POLR2F: variants seen among roughly 807,000 people sequenced by gnomAD.
The protein encoded by POLR2F is RNA polymerase II, I and III subunit F.
In POLR2F, 12 loss-of-function variants were observed where a neutral mutation model predicts 22.7. That is an observed-to-expected ratio of 0.53 (90% CI 0.34 to 0.86). The LOEUF is 0.86. POLR2F is among the 40% of genes least tolerant of loss of function. The pLI, the probability that POLR2F is intolerant of heterozygous loss-of-function variation, is 0.02. For missense variants in POLR2F, 126 were observed against 171.5 expected (o/e 0.73, Z 1.48); for synonymous variants, 57 against 66.0 (o/e 0.86, Z 0.66).
intron 1 of POLR2F, among the ~76,000 whole-genome samples, chr22:37,995,399 C>G (rs2084703691): frequency 6.6e-6 from 1 of 152,150 alleles, no homozygotes. Flanking sequence ...CACATCCTTC[C>G]CTGCTGGGAG....
chr22:37,964,572 C>CTTTTT (rs11428366), intron 3 of POLR2F, among the ~76,000 whole-genome samples: 10 of 131,278 alleles, frequency 7.6e-5, no homozygotes, highest in East Asian at 4.4e-4. Flanking sequence ...TTCTTTCTTT[C>CTTTTT]TTTTTTTTTT....
rs536942519 is a variant in POLR2F, at chr22:37,975,977, A to G, written c.293+8807A>G. ...GATAGGAGGCTGGGCGTGCTGGGTC[A>G]TGCCTGTAATCCCAGCACTTTGGGA... On this transcript the variant is annotated intron_variant, in intron 4 of 4. Transcript: ENST00000405557. 2.6e-5 allele frequency among the ~76,000 whole-genome samples: 4 copies of G among 152,122 alleles called. No individual in the cohort carries two copies. The East Asian group carries it at 7.8e-4, about 30-fold the overall frequency.
intron 1 of POLR2F, among the ~76,000 whole-genome samples, chr22:37,955,056 C>A (rs536054333): frequency 6.6e-6 from 1 of 151,890 alleles, no homozygotes; most frequent in Admixed American, 6.6e-5. Context: ...TTTGATGGAG[C>A]TGTTGGGGTG....
upstream of POLR2F, chr22:37,986,046 C>T: frequency 7.1e-7 from 1 of 1,403,942 alleles, no homozygotes; most frequent in East Asian, 2.7e-5. The surrounding 1 kb of genome is among the most constrained non-coding windows in gnomAD (Gnocchi z 4.7). Flanking sequence ...CTTCCCTGTG[C>T]CCAGACTCTT....
chr22:38,018,810 T>C (rs1161340120), intron 1 of POLR2F, among the ~76,000 whole-genome samples: 1 of 152,098 alleles, frequency 6.6e-6, no homozygotes, highest in Non-Finnish European at 1.5e-5. Flanking sequence ...GAGGGTGTCC[T>C]CTCTCCAGGC....
At chr22:37,966,207 G>T (rs1406759971) in intron 3 of POLR2F, among the ~76,000 whole-genome samples, 4 of 152,214 alleles carry the variant, frequency 2.6e-5, no homozygotes, top group Non-Finnish European at 5.9e-5. Flanking sequence ...GAGAGGAAGA[G>T]CTTGTAAGAG....
chr22:37,977,459 T>G (rs1932255166), intron 4 of POLR2F, among the ~76,000 whole-genome samples: 2 of 151,972 alleles, frequency 1.3e-5, no homozygotes, highest in Non-Finnish European at 2.9e-5. Context: ...TAGCTGGGAC[T>G]ACAGGTGCTC....
At chr22:38,019,822 C>T (rs2084944841) in intron 1 of POLR2F, among the ~76,000 whole-genome samples, 1 of 152,186 alleles carries the variant, frequency 6.6e-6, no homozygotes, top group Non-Finnish European at 1.5e-5. Flanking sequence ...CGAGACCAGC[C>T]TGACCAACAT....
intron 2 of POLR2F, among the ~76,000 whole-genome samples, chr22:37,957,554 T>C (rs1931449454): frequency 6.6e-6 from 1 of 152,062 alleles, no homozygotes; most frequent in African/African-American, 2.4e-5. Context: ...AGGGAAAAAA[T>C]GCAGTTATGT....
Position 37,968,451 on chromosome 22 carries a change from A to G in POLR2F, c.*736A>G, listed in dbSNP as rs73886208. 2.0e-3 allele frequency: 1,979 copies of G among 985,530 alleles called. 33 individuals are homozygous for G. The African/African-American group carries it at 0.033, about 16-fold the overall frequency. The allele number at this position is 985,530 out of a possible 1,614,324, so 61.0% of individuals were successfully genotyped here. ...CTCTATAAGATATCCTTTCCCTCCT[A>G]TTTGGGGCTGGTGATCCCCTGAGGC... On this transcript the variant is annotated 3_prime_UTR_variant, in exon 5 of 5. Coordinates refer to ENST00000442738, the MANE Select transcript of POLR2F (RefSeq NM_021974.5).
Position 38,017,282 on chromosome 22 carries a change from C to T in POLR2F, c.121-8587C>T, listed in dbSNP as rs1335410646. Among the ~76,000 whole-genome samples the T allele has an allele frequency of 6.6e-6, 1 of 152,140 alleles. No homozygotes were observed. The highest frequency in any genetic ancestry group is 1.5e-5 in the Non-Finnish European group (1 of 68,034). ...GTCCTGGGTCTGTGCGTCTGAGCCT[C>T]GGGTGGAATAGGGGGCTCACACTAG... On this transcript the variant is annotated intron_variant, in intron 1 of 2. Coordinates refer to the POLR2F transcript ENST00000333418. This position sits in a 1 kb window ranked among gnomAD's most constrained non-coding sequence, Gnocchi z 4.1.
chr22:38,002,262 C>A (rs2084778482), intron 1 of POLR2F, among the ~76,000 whole-genome samples: 1 of 151,766 alleles, frequency 6.6e-6, no homozygotes, highest in African/African-American at 2.4e-5. Flanking sequence ...AACTCCAGCT[C>A]CAAAGTATAC....
chr22:38,038,539 C>A (rs2085138580), intron 5 of POLR2F, among the ~76,000 whole-genome samples: 1 of 152,130 alleles, frequency 6.6e-6, no homozygotes, highest in Non-Finnish European at 1.5e-5. Flanking sequence ...CCTCGCTCCT[C>A]CCCACCTTCC....
intron 1 of POLR2F, chr22:38,025,534 C>A: frequency 7.0e-7 from 1 of 1,436,760 alleles, no homozygotes; most frequent in South Asian, 1.7e-5. Context: ...GATCGTCCCC[C>A]TCGTTTGCCT....
At chr22:37,973,479 G>A (rs1363599452), downstream of POLR2F, 2 of 1,517,392 alleles carry the variant, frequency 1.3e-6, no homozygotes, top group African/African-American at 2.8e-5. Flanking sequence ...GGGGGGTGGT[G>A]GCGACAGGGC....
rs534488819 is a variant in POLR2F at position 37,968,306 on chromosome 22, C to T, written c.*591C>T. The T allele has an allele frequency of 3.9e-5, 38 of 985,768 alleles. No homozygotes were observed. The highest frequency in any genetic ancestry group is 1.0e-3 in the Middle Eastern group (2 of 1,916). The allele number at this position is 985,768 out of a possible 1,614,324, so 61.1% of individuals were successfully genotyped here. ...GCAAGTCAGCAGCTGGAGCAAGGAC[C>T]GAGCACCTGCCTACCCCTGCCCCCA... On this transcript the variant is annotated 3_prime_UTR_variant, in exon 5 of 5. Coordinates refer to ENST00000442738, the MANE Select transcript of POLR2F (RefSeq NM_021974.5).
intron 4 of POLR2F, among the ~76,000 whole-genome samples, chr22:37,976,791 A>T (rs891600332): frequency 3.3e-5 from 5 of 152,236 alleles, no homozygotes; most frequent in African/African-American, 1.2e-4. Flanking sequence ...CCTGGAACAG[A>T]GTAGCTGCTC....
intron 1 of POLR2F, among the ~76,000 whole-genome samples, chr22:38,021,549 C>T (rs528341823): frequency 6.8e-4 from 103 of 152,282 alleles, no homozygotes; most frequent in African/African-American, 1.2e-3. Flanking sequence ...CTCGACCTCC[C>T]AGGCTCAGGT....
intron 4 of POLR2F, 183 bp downstream of exon 4, chr22:37,967,353 G>A: frequency 6.8e-7 from 1 of 1,463,578 alleles, no homozygotes; most frequent in Non-Finnish European, 9.0e-7. Context: ...AAAGTGGGAG[G>A]GCACTGATGA....
Sources: allele counts gnomAD v4.1 joint callset (sites outside exome capture counted in the v4.1 genomes callset), GRCh38; gene constraint gnomAD v4.1.1; non-coding constraint Gnocchi (gnomAD v3.1); transcripts MANE v1.5; gene names NCBI Gene and HGNC (gene_info 2026-07-23, HGNC 2026-07-21).